Variants in RCOR1 observed in about 807,000 individuals in gnomAD.
The protein encoded by RCOR1 is REST corepressor.
Under a neutral mutation model 64.0 loss-of-function variants are expected in RCOR1, and 12 were observed. The ratio of observed to expected loss-of-function variants is 0.19; its 90% confidence interval spans 0.12 to 0.30. The LOEUF (loss-of-function observed/expected upper bound fraction) is 0.30, where lower values mean the gene tolerates loss of function less well. RCOR1 is among the 10% of genes least tolerant of loss of function. The probability of loss-of-function intolerance (pLI) is 1.00; values close to 1 mark genes in which losing one functional copy is unlikely to be tolerated. For synonymous variants in RCOR1, 279 were observed against 227.2 expected (o/e 1.23, Z -2.05); for missense variants, 502 against 621.2 (o/e 0.81, Z 2.04).
At chr14:102,604,378 A>AAT (rs1179216774) in intron 2 of RCOR1, among the ~76,000 whole-genome samples, 1 of 152,214 alleles carries the variant, frequency 6.6e-6, no homozygotes, top group African/African-American at 2.4e-5. Flanking sequence ...CTTATAAGGC[A>AAT]ATGGGTAGTG....
intron 2 of RCOR1, among the ~76,000 whole-genome samples, chr14:102,648,090 T>G (rs185710260): frequency 3.3e-5 from 5 of 152,260 alleles, no homozygotes; most frequent in Admixed American, 2.6e-4. Context: ...TTTATTTTTA[T>G]TTTTTTGAGA....
At position 102,730,276 on chromosome 14, in the gene RCOR1, A is replaced by G. The variant is rs1289745448; in HGVS notation, c.*3770A>G. On this transcript the variant is annotated 3_prime_UTR_variant, in exon 12 of 12. Coordinates refer to ENST00000262241, the MANE Select transcript of RCOR1 (RefSeq NM_015156.4). ...GGTTAAGTTTGCAAATATAATGGAA[A>G]TGCTGTATATCTTTTGAAGTGATGA... is the stretch of plus-strand genomic sequence containing the variant. 5 of 343,162 alleles carry G rather than the reference A, an allele frequency of 1.5e-5. No individual in the cohort carries two copies. The highest frequency in any genetic ancestry group is 2.6e-5 in the Non-Finnish European group (5 of 191,652). The allele number at this position is 343,162 out of a possible 1,614,324, so 21.3% of individuals were successfully genotyped here. A position where few individuals can be genotyped will look rare whatever the true frequency, so the allele number is the denominator to read the frequency against.
At chr14:102,650,108 G>A (rs912585042) in intron 2 of RCOR1, among the ~76,000 whole-genome samples, 11 of 150,634 alleles carry the variant, frequency 7.3e-5, no homozygotes, top group African/African-American at 2.5e-4. Flanking sequence ...TGAGGCAGGA[G>A]AATGGTGTGA....
chr14:102,692,343 G>A (rs1321836457), intron 3 of RCOR1, among the ~76,000 whole-genome samples: 3 of 151,716 alleles, frequency 2.0e-5, no homozygotes, highest in African/African-American at 7.3e-5. Flanking sequence ...TGGTTATGTA[G>A]GACAGTATAC....
Position 102,726,601 on chromosome 14 carries a change from T to G in RCOR1, c.*95T>G, listed in dbSNP as rs1896269394. 1.9e-6 allele frequency: 2 copies of G among 1,071,116 alleles called. No homozygotes were observed. Among genetic ancestry groups the G allele is most frequent in the Non-Finnish European group, 2.8e-6 (2 of 717,418 alleles). 66.4% of individuals were successfully genotyped at this position (1,071,116 alleles called of 1,614,324 possible). Reference sequence around the variant, plus strand: ...CACCTAGCCATCTGCATCACATCTCTCTGGACAAGCAGCTATTACCAAAAA... The same window carrying G: ...CACCTAGCCATCTGCATCACATCTCGCTGGACAAGCAGCTATTACCAAAAA... On this transcript the variant is annotated 3_prime_UTR_variant, in exon 12 of 12. Coordinates refer to ENST00000262241, the MANE Select transcript of RCOR1 (RefSeq NM_015156.4).
At chr14:102,655,666 G>A (rs952017422) in intron 2 of RCOR1, 6 of 269,228 alleles carry the variant, frequency 2.2e-5, no homozygotes, top group African/African-American at 1.1e-4. Context: ...AAAAATGAAG[G>A]AGAAGGCTGA....
intron 2 of RCOR1, among the ~76,000 whole-genome samples, chr14:102,598,727 C>T (rs1250023458): frequency 6.6e-6 from 1 of 152,074 alleles, no homozygotes; most frequent in Non-Finnish European, 1.5e-5. Context: ...GGATTACAGG[C>T]GTGAGCCGCC....
intron 2 of RCOR1, among the ~76,000 whole-genome samples, chr14:102,620,221 G>C (rs571721005): frequency 6.7e-6 from 1 of 149,984 alleles, no homozygotes; most frequent in South Asian, 2.1e-4. Context: ...GAGACACCCC[G>C]TCACCACACA....
At chr14:102,609,286 G>A (rs34984173) in intron 2 of RCOR1, among the ~76,000 whole-genome samples, 2 of 151,760 alleles carry the variant, frequency 1.3e-5, no homozygotes, top group Non-Finnish European at 2.9e-5. Flanking sequence ...CAGGTGATCC[G>A]CCTGCCTCGG....
intron 2 of RCOR1, among the ~76,000 whole-genome samples, chr14:102,623,660 G>A (rs1383045357): frequency 9.3e-5 from 14 of 151,024 alleles, no homozygotes; most frequent in Admixed American, 5.3e-4. Flanking sequence ...CACCCACCTC[G>A]GCCTCCCAAA....
chr14:102,700,054 C>A (rs1895726018), intron 3 of RCOR1, among the ~76,000 whole-genome samples: 1 of 152,070 alleles, frequency 6.6e-6, no homozygotes, highest in Admixed American at 6.6e-5. Context: ...TAATCTATCT[C>A]TTAAGAATTT....
intron 2 of RCOR1, among the ~76,000 whole-genome samples, chr14:102,607,253 A>G (rs994498099): frequency 4.6e-5 from 7 of 152,116 alleles, no homozygotes; most frequent in Non-Finnish European, 5.9e-5. Context: ...TTTTTAATGG[A>G]CATTTGATAA....
chr14:102,723,191 T>C (rs1000620507), intron 11 of RCOR1, among the ~76,000 whole-genome samples: 2 of 152,258 alleles, frequency 1.3e-5, no homozygotes, highest in Non-Finnish European at 2.9e-5. Flanking sequence ...TAATTTAGCT[T>C]TGTAAGGAAA....
chr14:102,711,231 C>T (rs1156835819), intron 7 of RCOR1, among the ~76,000 whole-genome samples: 1 of 152,218 alleles, frequency 6.6e-6, no homozygotes, highest in Non-Finnish European at 1.5e-5. Flanking sequence ...TAGAAAATAG[C>T]ACTAATGAGT....
chr14:102,612,751 G>C (rs1161560187), intron 2 of RCOR1, among the ~76,000 whole-genome samples: 1 of 151,850 alleles, frequency 6.6e-6, no homozygotes, highest in Non-Finnish European at 1.5e-5. Flanking sequence ...CACTTTGGGA[G>C]ACTGAGGTAG....
chr14:102,710,784 G>A (rs1020325883), intron 6 of RCOR1, 151 bp from the exon 7 acceptor site: 5 of 624,138 alleles, frequency 8.0e-6, no homozygotes, highest in Middle Eastern at 4.3e-4. Flanking sequence ...TTTTATCTCA[G>A]CAGCCTGAAA....
chr14:102,722,483 G>C, intron 11 of RCOR1, 67 bp downstream of exon 11: 1 of 1,336,968 alleles, frequency 7.5e-7, no homozygotes, highest in Non-Finnish European at 1.0e-6. Flanking sequence ...TTTCTAAAGT[G>C]ATGAATTTTT....
intron 2 of RCOR1, among the ~76,000 whole-genome samples, chr14:102,635,001 C>G (rs1254202068): frequency 1.3e-5 from 2 of 151,808 alleles, no homozygotes; most frequent in Admixed American, 1.3e-4. Flanking sequence ...AGCCACCATG[C>G]CTGGCCTTTT....
At chr14:102,706,172 G>T (rs1399912928) in intron 4 of RCOR1, among the ~76,000 whole-genome samples, 1 of 125,644 alleles carries the variant, frequency 8.0e-6, no homozygotes, top group African/African-American at 3.2e-5. Flanking sequence ...AGGAAATGAA[G>T]GACATAAAAA....
Sources: gnomAD v4.1 joint callset for allele counts (sites outside exome capture counted in the v4.1 genomes callset) on GRCh38, gnomAD v4.1.1 for gene constraint, MANE v1.5 for transcripts, NCBI Gene and HGNC (gene_info 2026-07-23, HGNC 2026-07-21) for gene names.